BIRC6: variants seen among roughly 807,000 people sequenced by gnomAD.
The protein encoded by BIRC6 is dual E2 ubiquitin-conjugating enzyme/E3 ubiquitin-protein ligase BIRC6.
BIRC6 carries 98 observed loss-of-function variants against 503.3 expected under a neutral mutation model. That is an observed-to-expected ratio of 0.19 (90% CI 0.17 to 0.23). The LOEUF (loss-of-function observed/expected upper bound fraction) is 0.23. Ranked by LOEUF, BIRC6 falls within the 10% of genes least tolerant of loss-of-function variation. The pLI, the probability that BIRC6 is intolerant of heterozygous loss-of-function variation, is 1.00. For synonymous variants in BIRC6, 2,240 were observed against 2,078.7 expected, an observed-to-expected ratio of 1.08 and a Z score of -2.11; for missense variants, 5,360 against 5,806.0, an observed-to-expected ratio of 0.92 and a Z score of 2.50.
In BIRC6 at chr2:32,415,567, C is replaced by T. The variant is rs780423160; in HGVS notation, c.2276C>T (p.Ala759Val). Reference protein sequence around the residue: ...LRTCPVESLSAINQVEALNNL... With the variant: ...LRTCPVESLSVINQVEALNNL... Reference sequence around the variant, plus strand: ...ACATGCCCTGTTGAATCCTTGAGTGCAATAAATCAAGTAGAGGCCTTGAAT... The same window carrying T: ...ACATGCCCTGTTGAATCCTTGAGTGTAATAAATCAAGTAGAGGCCTTGAAT... Residue 759 changes from alanine (A) to valine (V), a missense_variant, in exon 10 of 74, where the codon GCA (alanine) becomes GTA (valine). Ala to Val is a moderately conservative substitution (Grantham distance 64). Transcript: ENST00000421745. The T allele has an allele frequency of 1.2e-6, 2 of 1,613,888 alleles. No individual in the cohort carries two copies. The highest frequency in any genetic ancestry group is 8.5e-7 in the Non-Finnish European group (1 of 1,179,856).
intron 73 of BIRC6, among the ~76,000 whole-genome samples, chr2:32,617,399 T>A (rs1275555701): frequency 6.6e-6 from 1 of 151,572 alleles, no homozygotes; most frequent in Non-Finnish European, 1.5e-5. Context: ...AGACTCCGTC[T>A]CAAAAAAAAA....
intron 40 of BIRC6, among the ~76,000 whole-genome samples, chr2:32,486,739 A>T (rs1572560717): frequency 6.6e-6 from 1 of 152,186 alleles, no homozygotes; most frequent in South Asian, 2.1e-4. Flanking sequence ...TTCAGTCTGC[A>T]ATCTTCATTT....
At chr2:32,560,238 A>G (rs1322565852) in intron 65 of BIRC6, among the ~76,000 whole-genome samples, 1 of 152,240 alleles carries the variant, frequency 6.6e-6, no homozygotes, top group African/African-American at 2.4e-5. Flanking sequence ...TTTAAAGTAC[A>G]GTAATGAAAT....
chr2:32,458,683 CTTTTTTTT>C lies in BIRC6; in HGVS notation c.4754-4493_4754-4486del, dbSNP rs1166608470. ...TGGCCTTTTGTTAATACTCTATTGC[CTTTTTTTT>C]TTTTTTTTTTTTTTTTTCTGATACA... On this transcript the variant is annotated intron_variant, in intron 23 of 73. Transcript: ENST00000421745. 4.7e-4 allele frequency among the ~76,000 whole-genome samples: 42 copies of C among 89,470 alleles called. No homozygotes were observed. The East Asian group carries it at 0.011, about 23-fold the overall frequency. 58.7% of individuals were successfully genotyped at this position (89,470 alleles called of 152,430 possible). A position where few individuals can be genotyped will look rare whatever the true frequency, so the allele number is the denominator to read the frequency against.
chr2:32,432,761 G>GAAA (rs537768715), intron 12 of BIRC6, among the ~76,000 whole-genome samples: 2 of 129,430 alleles, frequency 1.5e-5, no homozygotes, highest in Non-Finnish European at 1.7e-5. Flanking sequence ...CCCCATTTCG[G>GAAA]AAAAAAAAAA....
intron 19 of BIRC6, 199 bp from the exon 20 acceptor site, chr2:32,443,292 G>A: frequency 2.0e-6 from 1 of 505,116 alleles, no homozygotes; most frequent in Non-Finnish European, 3.5e-6. Flanking sequence ...AGGGTTTAAT[G>A]CATAAGAAAA....
intron 17 of BIRC6, among the ~76,000 whole-genome samples, chr2:32,441,826 GA>G (rs201434628): frequency 2.6e-5 from 4 of 151,092 alleles, no homozygotes. Flanking sequence ...AATCTCTGGA[GA>G]AAAAAAACAA....
rs919694561 is a variant in BIRC6, at chr2:32,540,345, G to A, written c.12292-2896G>A. 4.6e-5 allele frequency among the ~76,000 whole-genome samples: 7 copies of A among 151,990 alleles called. No homozygotes were observed. The East Asian group carries it at 7.7e-4, about 17-fold the overall frequency. On this transcript the variant is annotated intron_variant, in intron 61 of 73. Coordinates refer to ENST00000421745, the MANE Select transcript of BIRC6 (RefSeq NM_016252.4). ...AAAGACATCACATGGTTGGAATATC[G>A]TAATTCCTAAAAGCCTGTGATATAA...
intron 57 of BIRC6, 27 bp from the exon 58 acceptor site, chr2:32,524,861 T>A: frequency 7.5e-7 from 1 of 1,337,454 alleles, no homozygotes; most frequent in Non-Finnish European, 9.9e-7. Flanking sequence ...GGAAAAGCAG[T>A]GTATTTTAGA....
At chr2:32,589,581 T>C (rs1003616272) in intron 66 of BIRC6, among the ~76,000 whole-genome samples, 4 of 152,214 alleles carry the variant, frequency 2.6e-5, no homozygotes, top group Admixed American at 2.0e-4. Flanking sequence ...AGTCCTGATT[T>C]CTTAGCCAGA....
rs1488117703 is a variant in BIRC6 at position 32,382,512 on chromosome 2, A to C, written c.645+2222A>C. On this transcript the variant is annotated intron_variant, in intron 3 of 73. Coordinates refer to ENST00000421745, the MANE Select transcript of BIRC6 (RefSeq NM_016252.4). ...TCCTTCCTGTGCTGTTGCTGGGAGA[A>C]CCTAAAAGCCAGGAAACTGGTTGAA... Among the ~76,000 whole-genome samples the C allele has an allele frequency of 2.6e-5, 4 of 152,178 alleles. No homozygotes were observed. The East Asian group carries it at 7.7e-4, about 29-fold the overall frequency.
chr2:32,605,029 T>C (rs2062346940), intron 71 of BIRC6, among the ~76,000 whole-genome samples: 1 of 151,864 alleles, frequency 6.6e-6, no homozygotes, highest in African/African-American at 2.4e-5. Context: ...ATCACAGACA[T>C]GCACCACCAC....
chr2:32,451,848 A>T (rs941401889), intron 22 of BIRC6, among the ~76,000 whole-genome samples: 26 of 152,306 alleles, frequency 1.7e-4, no homozygotes, highest in South Asian at 4.1e-4. Context: ...TTTCTCATGG[A>T]GTCTGATATT....
chr2:32,532,820 G>A (rs2056895331), intron 61 of BIRC6, among the ~76,000 whole-genome samples: 1 of 152,070 alleles, frequency 6.6e-6, no homozygotes, highest in Non-Finnish European at 1.5e-5. Context: ...CATTATTATT[G>A]CTCAACATAA....
chr2:32,577,058 A>G (rs2151072226), intron 66 of BIRC6, among the ~76,000 whole-genome samples: 1 of 152,222 alleles, frequency 6.6e-6, no homozygotes, highest in East Asian at 1.9e-4. Context: ...GTAACCAAGG[A>G]AGCTAGTGTA....
intron 22 of BIRC6, 123 bp from the exon 23 acceptor site, chr2:32,453,685 T>C: frequency 5.6e-6 from 5 of 894,182 alleles, no homozygotes; most frequent in African/African-American, 1.7e-5. Context: ...ATTCAAGCAC[T>C]GTGTAAGAGT....
At chr2:32,459,947 GT>G in intron 23 of BIRC6, among the ~76,000 whole-genome samples, 1 of 150,964 alleles carries the variant, frequency 6.6e-6, no homozygotes, top group East Asian at 1.9e-4. Flanking sequence ...TTTAAAAGTA[GT>G]TTATAGTTTG....
intron 9 of BIRC6, among the ~76,000 whole-genome samples, chr2:32,414,048 T>C (rs978352202): frequency 5.9e-5 from 9 of 152,248 alleles, no homozygotes; most frequent in Admixed American, 2.0e-4. Context: ...TCCCAGCACT[T>C]TGAGAGGCCG....
At position 32,442,423 on chromosome 2, in the gene BIRC6, T is replaced by A; in HGVS notation, c.4206T>A (p.His1402Gln). ...TTGAGGCAGGACGAAGTATAGCCCATAAGTGTGCCCGATTTCTAGCCTTGT... is the reference window on the plus strand; with the variant it reads ...TTGAGGCAGGACGAAGTATAGCCCAAAAGTGTGCCCGATTTCTAGCCTTGT... ...CFFEAGRSIAHKCARFLALCI... is the reference protein window; with the variant it reads ...CFFEAGRSIAQKCARFLALCI... Residue 1402 changes from histidine to glutamine, a missense_variant, in exon 19 of 74, where the codon CAT becomes CAA. Physicochemically the swap from His to Gln is conservative, Grantham distance 24 (BLOSUM62 0). This residue lies in a region of BIRC6 where 2,299 missense variants were observed against 2,267.2 expected (regional missense o/e 1.01). Transcript: ENST00000421745. The A allele has an allele frequency of 6.2e-7, 1 of 1,609,520 alleles. No homozygotes were observed. The highest frequency in any genetic ancestry group is 8.5e-7 in the Non-Finnish European group (1 of 1,177,798).
Sources: gnomAD v4.1 joint callset for allele counts (sites outside exome capture counted in the v4.1 genomes callset) on GRCh38, gnomAD v4.1.1 for gene constraint, gnomAD v4.1.1 regional missense constraint, MANE v1.5 for transcripts, NCBI Gene and HGNC (gene_info 2026-07-23, HGNC 2026-07-21) for gene names.